The following CSMD1 variants were observed in gnomAD, a reference collection of about 807,000 sequenced individuals.
CSMD1 encodes CUB and Sushi multiple domains 1.
A neutral mutation model predicts 417.5 loss-of-function variants in CSMD1; 213 were observed. That is an observed-to-expected ratio of 0.51 (90% CI 0.46 to 0.57). The LOEUF is 0.57. Among genes scored for constraint, CSMD1 ranks in the 20% least tolerant of loss-of-function variants. CSMD1 has a pLI of 0.00. For synonymous variants in CSMD1, 2,862 were observed against 1,736.8 expected, an observed-to-expected ratio of 1.65 and a Z score of -16.11; for missense variants, 6,923 against 4,529.7, an observed-to-expected ratio of 1.53 and a Z score of -15.17.
At chr8:4,294,877 T>C (rs770422902) in intron 3 of CSMD1, among the ~76,000 whole-genome samples, 7 of 151,866 alleles carry the variant, frequency 4.6e-5, no homozygotes, top group African/African-American at 7.2e-5. Flanking sequence ...TTTGCCCTTT[T>C]AGTAGCTGTC....
chr8:3,162,380 G>T, intron 37 of CSMD1, 103 bp from the exon 38 acceptor site: 2 of 742,718 alleles, frequency 2.7e-6, no homozygotes, highest in South Asian at 3.2e-5. Context: ...CTGTAGAAAT[G>T]AACAAAGACT....
intron 2 of CSMD1, among the ~76,000 whole-genome samples, chr8:4,461,279 T>A (rs959223010): frequency 6.6e-6 from 1 of 152,066 alleles, no homozygotes; most frequent in South Asian, 2.1e-4. Context: ...TAACATTGTA[T>A]TTAATGAAAT....
rs776021961 is a variant in CSMD1, at chr8:3,142,577, T to C, written c.6129A>G (p.Gln2043=). ...GPYHTSPMIG[Q]FSGTDLPAAL... is the part of the protein sequence containing the mutation. ...CCGCGGGGAGATCCGTGCCGCTAAA[T>C]TGTCCAATCATGGGGCTGGTGTGGT... is the stretch of plus-strand genomic sequence containing the variant. Residue 2043 remains glutamine, a synonymous_variant, in exon 41 of 70, where the codon CAA becomes CAG. Coordinates refer to ENST00000635120, the MANE Select transcript of CSMD1 (RefSeq NM_033225.6). 2 of 1,614,000 alleles carry C rather than the reference T, an allele frequency of 1.2e-6. No homozygotes were observed. The highest frequency in any genetic ancestry group is 8.5e-7 in the Non-Finnish European group (1 of 1,179,890).
intron 49 of CSMD1, among the ~76,000 whole-genome samples, chr8:3,075,999 C>G (rs550456841): frequency 1.0e-3 from 156 of 150,644 alleles, no homozygotes; most frequent in Non-Finnish European, 1.8e-3. Flanking sequence ...TGCAGTGAGC[C>G]GAGATCGCGC....
intron 36 of CSMD1, among the ~76,000 whole-genome samples, chr8:3,181,424 C>T (rs1382025060): frequency 6.6e-6 from 1 of 152,198 alleles, no homozygotes; most frequent in Admixed American, 6.5e-5. Context: ...CTCTGACCTG[C>T]TCAAGTCGAT....
At chr8:3,615,497 G>C (rs1334216360) in intron 8 of CSMD1, among the ~76,000 whole-genome samples, 2 of 152,122 alleles carry the variant, frequency 1.3e-5, no homozygotes, top group Admixed American at 6.6e-5. Flanking sequence ...TATTAGTCAA[G>C]ATGTGTAATA....
chr8:3,179,324 T>A (rs1016830707), intron 37 of CSMD1, among the ~76,000 whole-genome samples: 7 of 152,130 alleles, frequency 4.6e-5, no homozygotes, highest in Non-Finnish European at 1.0e-4. Flanking sequence ...TGGCATAAAC[T>A]ATCAGAATGG....
chr8:4,027,645 C>T (rs1439043467), intron 4 of CSMD1, among the ~76,000 whole-genome samples: 1 of 152,146 alleles, frequency 6.6e-6, no homozygotes, highest in Non-Finnish European at 1.5e-5. Context: ...ATTACCCAGT[C>T]TCAGGTATTT....
chr8:3,523,490 G>T lies in CSMD1; in HGVS notation c.1345-29764C>A, dbSNP rs563652851. Among the ~76,000 whole-genome samples the T allele has an allele frequency of 3.0e-3, 456 of 152,142 alleles. 1 individual carries two copies. The highest frequency in any genetic ancestry group is 5.0e-3 in the Non-Finnish European group (342 of 67,986). ...AGTCCAATTCGCCCACCTGTGGATG[G>T]CTGGCAGCAGAAAGGTGATCTGACG... On this transcript the variant is annotated intron_variant, in intron 10 of 69. Coordinates refer to ENST00000635120, the MANE Select transcript of CSMD1 (RefSeq NM_033225.6).
intron 3 of CSMD1, among the ~76,000 whole-genome samples, chr8:4,105,355 T>C (rs988201116): frequency 2.8e-4 from 42 of 152,282 alleles, no homozygotes; most frequent in African/African-American, 9.9e-4. Context: ...TTTATGTTTA[T>C]ATGTGCTTTA....
chr8:4,508,530 T>C (rs1802651652), intron 2 of CSMD1, among the ~76,000 whole-genome samples: 1 of 152,184 alleles, frequency 6.6e-6, no homozygotes, highest in African/African-American at 2.4e-5. Flanking sequence ...GTTATAAATT[T>C]GCAAGATGAA....
Position 3,842,330 on chromosome 8 carries a change from C to T in CSMD1, c.819-88288G>A, listed in dbSNP as rs535544213. Among the ~76,000 whole-genome samples, 6 of 152,184 alleles carry T rather than the reference C, an allele frequency of 3.9e-5. No homozygotes were observed. In the East Asian group the frequency reaches 1.2e-3, roughly 29 times the overall value. ...TAGTTTCTATTGGTACACTCTGACT[C>T]AATTAGGTTTTAGATACCCATATCA... On this transcript the variant is annotated intron_variant, in intron 5 of 69. Transcript: ENST00000635120.
intron 5 of CSMD1, among the ~76,000 whole-genome samples, chr8:3,826,486 G>C (rs917993071): frequency 4.6e-5 from 7 of 152,046 alleles, no homozygotes. Flanking sequence ...TCCTAGGCAG[G>C]GGGACCATGA....
intron 2 of CSMD1, among the ~76,000 whole-genome samples, chr8:4,594,012 G>A (rs1461085085): frequency 6.6e-6 from 1 of 152,002 alleles, no homozygotes; most frequent in Non-Finnish European, 1.5e-5. Flanking sequence ...TCTGGAGGTT[G>A]TTGGGAATCT....
At chr8:4,965,862 A>C (rs1809822987) in intron 1 of CSMD1, among the ~76,000 whole-genome samples, 1 of 152,130 alleles carries the variant, frequency 6.6e-6, no homozygotes, top group African/African-American at 2.4e-5. Flanking sequence ...AAACATGTTA[A>C]AATAAAGAAG....
intron 1 of CSMD1, among the ~76,000 whole-genome samples, chr8:4,798,836 T>A (rs73179676): frequency 0.13 from 19,652 of 152,272 alleles, 1,640 homozygotes; most frequent in Non-Finnish European, 0.18. Flanking sequence ...GCCTAAAGTT[T>A]CATATAACCT....
intron 11 of CSMD1, among the ~76,000 whole-genome samples, chr8:3,484,393 C>T (rs565818707): frequency 3.9e-5 from 6 of 152,156 alleles, no homozygotes; most frequent in South Asian, 2.1e-4. Context: ...CCAGGCAAAC[C>T]GTGAACCTCA....
intron 1 of CSMD1, among the ~76,000 whole-genome samples, chr8:4,831,416 A>G (rs1335372682): frequency 6.6e-6 from 1 of 152,198 alleles, no homozygotes; most frequent in Admixed American, 6.5e-5. Context: ...TTATTGAATA[A>G]CTACAAATAT....
chr8:3,110,297 T>G lies in CSMD1; in HGVS notation c.6469A>C (p.Ile2157Leu), dbSNP rs753297283. The change falls in exon 43 of 70, where the codon ATC becomes CTC. Residue 2157 changes from isoleucine (I) to leucine (L), a missense_variant. By Grantham distance (5) the Ile-to-Leu change is conservative. Transcript: ENST00000635120. ...GYNVTSQNGT[I>L]YSPGFPDEYP... is the part of the protein sequence containing the mutation. ...TCATCAGGAAAGCCAGGGGAGTAGA[T>G]GGTGCCGTTCTGAGAAGTTACGTTG... The G allele has an allele frequency of 6.2e-7, 1 of 1,613,372 alleles. No individual in the cohort carries two copies. The highest frequency in any genetic ancestry group is 1.1e-5 in the South Asian group (1 of 90,844).
Sources: allele counts gnomAD v4.1 joint callset (sites outside exome capture counted in the v4.1 genomes callset), GRCh38; gene constraint gnomAD v4.1.1; transcripts MANE v1.5; gene names NCBI Gene and HGNC (gene_info 2026-07-23, HGNC 2026-07-21).